The following SLC4A1 variants were observed in gnomAD, a reference collection of about 807,000 sequenced individuals.
The protein encoded by SLC4A1 is band 3 anion transport protein.
Under a neutral mutation model 93.1 loss-of-function variants are expected in SLC4A1, and 29 were observed. The ratio of observed to expected loss-of-function variants is 0.31; its 90% CI spans 0.23 to 0.42. The LOEUF (loss-of-function observed/expected upper bound fraction) is 0.42, where lower values mean the gene tolerates loss of function less well. Among genes scored for constraint, SLC4A1 ranks in the 20% least tolerant of loss-of-function variants. SLC4A1 has a pLI of 1.00. For missense variants in SLC4A1, 965 were observed against 1,190.1 expected (o/e 0.81, Z 2.78); for synonymous variants, 469 against 497.2 (o/e 0.94, Z 0.76).
At chr17:44,263,480 C>T (rs899809751) in intron 1 of SLC4A1, among the ~76,000 whole-genome samples, 1 of 152,156 alleles carries the variant, frequency 6.6e-6, no homozygotes, top group African/African-American at 2.4e-5. Context: ...GCTCTCTCCC[C>T]ACCTAGCCTA....
chr17:44,259,684 C>G (rs1302742069), intron 7 of SLC4A1, 103 bp from the exon 8 acceptor site: 1 of 1,536,056 alleles, frequency 6.5e-7, no homozygotes, highest in South Asian at 1.1e-5. Flanking sequence ...TCCTGGCACC[C>G]CCCGGGCACA....
In SLC4A1 at chr17:44,259,228, G is replaced by A. The variant is rs1406443344; in HGVS notation, c.811C>T (p.Pro271Ser). The A allele has an allele frequency of 1.2e-6, 2 of 1,614,036 alleles. No homozygotes were observed. Residue 271 changes from proline to serine, a missense_variant, in exon 9 of 20, where the codon CCT becomes TCT. This residue lies in a region of SLC4A1 where 770 missense variants were observed against 1,006.6 expected (regional missense o/e 0.76). Transcript: ENST00000262418. ...PIRFLFVLLG[P>S]EAPHIDYTQL... ...GTGTAATCGATGTGGGGGGCCTCAG[G>A]TCCCAGCAACACAAAGAGGAAGCGT...
chr17:44,251,740 GTT>G, intron 17 of SLC4A1, 152 bp from the exon 18 acceptor site: 2 of 254,818 alleles, frequency 7.8e-6, no homozygotes, highest in East Asian at 7.4e-5. Flanking sequence ...TTTTTTTTTT[GTT>G]TTTTTTTTTG....
chr17:44,268,061 C>T lies in SLC4A1; in HGVS notation c.-76G>A, dbSNP rs752219187. 1.4e-5 allele frequency: 14 copies of T among 985,216 alleles called. No individual in the cohort carries two copies. Among genetic ancestry groups the T allele is most frequent in the African/African-American group, 3.5e-5 (2 of 57,170 alleles). The allele number at this position is 985,216 out of a possible 1,614,324, so 61.0% of individuals were successfully genotyped here. ...CCTCCCTGCCCTGCCCACCTGCTCACGAGCCTCAGGGTCCCTTGGTGAAGT... is the reference window on the plus strand; with the variant it reads ...CCTCCCTGCCCTGCCCACCTGCTCATGAGCCTCAGGGTCCCTTGGTGAAGT... On this transcript the variant is annotated 5_prime_UTR_variant, in exon 1 of 20. It adds an upstream start codon to the 5' untranslated region. Coordinates refer to ENST00000262418, the MANE Select transcript of SLC4A1 (RefSeq NM_000342.4).
At chr17:44,251,731 TTTTTTTTTG>T in intron 17 of SLC4A1, 143 bp from the exon 18 acceptor site, 1 of 585,440 alleles carries the variant, frequency 1.7e-6, no homozygotes, top group Non-Finnish European at 2.8e-6. Context: ...TTTTTTTTTT[TTTTTTTTTG>T]TTTTTTTTTT....
At chr17:44,266,057 G>C (rs1451260701) in intron 1 of SLC4A1, among the ~76,000 whole-genome samples, 1 of 152,124 alleles carries the variant, frequency 6.6e-6, no homozygotes, top group African/African-American at 2.4e-5. Context: ...CAGTCCTGGG[G>C]GTAGGGAGGG....
chr17:44,259,973 A>G, intron 6 of SLC4A1, 41 bp from the exon 7 acceptor site: 1 of 1,610,616 alleles, frequency 6.2e-7, no homozygotes. Flanking sequence ...TAAGCTGTTC[A>G]GGCTGAGCTA....
Position 44,259,326 on chromosome 17 carries a change from T to A in SLC4A1, c.713A>T (p.Glu238Val), listed in dbSNP as rs571740084. 1,091 of 1,613,708 alleles carry A rather than the reference T, an allele frequency of 6.8e-4. 18 individuals are homozygous for A. In the South Asian group the frequency reaches 0.011, roughly 16 times the overall value. ...LVLVGRADFLEQPVLGFVRLQ... is the reference protein window; with the variant it reads ...LVLVGRADFLVQPVLGFVRLQ... ...CCTCACGAAGCCCAGCACCGGCTGCTCCAGGAAGTCGGCGCGGCCTGTTAG... is the reference window on the plus strand; with the variant it reads ...CCTCACGAAGCCCAGCACCGGCTGCACCAGGAAGTCGGCGCGGCCTGTTAG... The change falls in exon 9 of 20, where the codon GAG becomes GTG. Residue 238 changes from glutamate (E) to valine (V), a missense_variant. Glu to Val is a moderately radical substitution (Grantham distance 121). Around this residue, in one of 2 missense-constraint regions of SLC4A1, gnomAD observed 770 missense variants for 1,006.6 expected, o/e 0.76. Coordinates refer to ENST00000262418, the MANE Select transcript of SLC4A1 (RefSeq NM_000342.4).
Position 44,258,653 on chromosome 17 carries a change from C to A in SLC4A1, c.877-30G>T. The A allele has an allele frequency of 6.4e-7, 1 of 1,556,404 alleles. No homozygotes were observed. Among genetic ancestry groups the A allele is most frequent in the South Asian group, 1.2e-5 (1 of 85,606 alleles). ...GGGCAGGAGACAGGGTCAGAGCTGC[C>A]CGGACCTGCGGAGGGAAAGGACCCA... is the stretch of plus-strand genomic sequence containing the variant. On this transcript the variant is annotated intron_variant, in intron 9 of 19. Coordinates refer to ENST00000262418, the MANE Select transcript of SLC4A1 (RefSeq NM_000342.4). This position sits in a 1 kb window ranked among gnomAD's most constrained non-coding sequence, Gnocchi z 6.1.
At position 44,257,426 on chromosome 17, in the gene SLC4A1, G is replaced by T. The variant is rs1391855595; in HGVS notation, c.1550C>A (p.Ser517Tyr). 1 of 1,614,034 alleles carries T rather than the reference G, an allele frequency of 6.2e-7. No individual in the cohort carries two copies. Among genetic ancestry groups the T allele is most frequent in the Admixed American group, 1.7e-5 (1 of 60,000 alleles). ...GGAGAAGATCTCCTGGGTATAGCGG[G>T]AGATGAAGCGGACCAGGAAGCTACC... ...FEGSFLVRFI[S>Y]RYTQEIFSFL... The change falls in exon 13 of 20, where the codon TCC becomes TAC. Residue 517 changes from serine (S) to tyrosine (Y), a missense_variant. Around this residue, in one of 2 missense-constraint regions of SLC4A1, gnomAD observed 770 missense variants for 1,006.6 expected, o/e 0.76. Transcript: ENST00000262418.
chr17:44,257,206 G>T, intron 13 of SLC4A1, 144 bp downstream of exon 13: 1 of 773,496 alleles, frequency 1.3e-6, no homozygotes, highest in Non-Finnish European at 2.3e-6. Flanking sequence ...TGGTCAGGCT[G>T]GTCTTGAACT....
rs373916826 is a variant in SLC4A1 at position 44,253,151 on chromosome 17, G to T, written c.2278C>A (p.Arg760=). The change falls in exon 17 of 20, where the codon CGG becomes AGG. Residue 760 remains arginine, a synonymous_variant. Transcript: ENST00000262418. ...ACAGCGACCAGGAGTCCACTGATCC[G>T]CTGCTCTTTGACCTCCTGGATCTGG... The part of the protein sequence containing the change: ...AAQIQEVKEQ[R]ISGLLVAVLV... 10 of 1,613,140 alleles carry T rather than the reference G, an allele frequency of 6.2e-6. No individual in the cohort carries two copies. The highest frequency in any genetic ancestry group is 2.2e-5 in the East Asian group (1 of 44,898).
Position 44,251,740 on chromosome 17 carries a change from G to C in SLC4A1, c.2312-152C>G, listed in dbSNP as rs2854525. On this transcript the variant is annotated intron_variant, in intron 17 of 19. Transcript: ENST00000262418. ...CTTTTCTTTTTTTTTTTTTTTTTTT[G>C]TTTTTTTTTTTGAGACAGGATCTCG... The C allele has an allele frequency of 1.2e-5, 3 of 257,948 alleles. No homozygotes were observed. In the East Asian group the frequency reaches 2.2e-4, roughly 19 times the overall value. 16.0% of individuals were successfully genotyped at this position (257,948 alleles called of 1,614,324 possible). A position where few individuals can be genotyped will look rare whatever the true frequency, so the allele number is the denominator to read the frequency against.
At position 44,251,400 on chromosome 17, in the gene SLC4A1, C is replaced by T. The variant is rs2144596783; in HGVS notation, c.2481+19G>A. 1.2e-6 allele frequency: 2 copies of T among 1,614,258 alleles called. No individual in the cohort carries two copies. Among genetic ancestry groups the T allele is most frequent in the Non-Finnish European group, 1.7e-6 (2 of 1,180,044 alleles). ...CCCTCTACCACCCCAGGCTGGGCAG[C>T]CAGAAAAGGGTCCTGTACCCGCTTG... On this transcript the variant is annotated intron_variant, in intron 18 of 19. Coordinates refer to ENST00000262418, the MANE Select transcript of SLC4A1 (RefSeq NM_000342.4).
At chr17:44,253,823 C>T (rs1449700947) in intron 16 of SLC4A1, among the ~76,000 whole-genome samples, 1 of 151,736 alleles carries the variant, frequency 6.6e-6, no homozygotes, top group African/African-American at 2.4e-5. Context: ...GGGCACATGC[C>T]ACCACACTCG....
chr17:44,250,595 C>T (rs2047329945), intron 19 of SLC4A1, 57 bp from the exon 20 acceptor site: 5 of 1,437,222 alleles, frequency 3.5e-6, no homozygotes, highest in Non-Finnish European at 4.9e-6. Context: ...CAGAAGAGCC[C>T]TCCCCGGGCA....
chr17:44,250,606 C>G, intron 19 of SLC4A1, 68 bp from the exon 20 acceptor site: 3 of 1,219,996 alleles, frequency 2.5e-6, no homozygotes, highest in Admixed American at 1.7e-5. Context: ...TCCCCGGGCA[C>G]GAAAGGCACC....
Position 44,251,273 on chromosome 17 carries a change from C to T in SLC4A1, c.2541G>A (p.Leu847=), listed in dbSNP as rs138974222. The change falls in exon 19 of 20, where the codon CTG becomes CTA. Residue 847 remains leucine (L), a synonymous_variant. Coordinates refer to ENST00000262418, the MANE Select transcript of SLC4A1 (RefSeq NM_000342.4). ...TGIQIICLAV[L]WVVKSTPASL... is the part of the protein sequence containing the mutation. ...AGGCCGGCGTGGACTTCACCACCCACAGCACTGCCAGGCAGATGATCTGGA... is the reference window on the plus strand; with the variant it reads ...AGGCCGGCGTGGACTTCACCACCCATAGCACTGCCAGGCAGATGATCTGGA... 9.3e-6 allele frequency: 15 copies of T among 1,614,244 alleles called. No homozygotes were observed. In the East Asian group the frequency reaches 2.2e-4, roughly 24 times the overall value.
At chr17:44,266,638 CT>C (rs1316015154) in intron 1 of SLC4A1, among the ~76,000 whole-genome samples, 1 of 152,168 alleles carries the variant, frequency 6.6e-6, no homozygotes, top group Non-Finnish European at 1.5e-5. Flanking sequence ...CAGTTGGAGA[CT>C]TACAGGGCGC....
Sources: allele counts gnomAD v4.1 joint callset (sites outside exome capture counted in the v4.1 genomes callset), GRCh38; gene constraint gnomAD v4.1.1; regional missense constraint gnomAD v4.1.1; non-coding constraint Gnocchi (gnomAD v3.1); transcripts MANE v1.5; gene names NCBI Gene and HGNC (gene_info 2026-07-23, HGNC 2026-07-21).